Variants in FAR2 observed in about 807,000 individuals in gnomAD.
FAR2 encodes fatty acyl-CoA reductase 2.
FAR2 carries 19 observed loss-of-function variants against 56.0 expected under a neutral mutation model. The ratio of observed to expected loss-of-function variants is 0.34; its 90% CI spans 0.24 to 0.50. The LOEUF (loss-of-function observed/expected upper bound fraction) is 0.50. FAR2 is among the 20% of genes least tolerant of loss of function. FAR2 has a pLI of 0.98. For synonymous variants in FAR2, 219 were observed against 218.8 expected (o/e 1.00, Z -0.01); for missense variants, 508 against 642.2 (o/e 0.79, Z 2.26).
chr12:29,163,990 A>G (rs1949803732), intron 1 of FAR2, among the ~76,000 whole-genome samples: 1 of 152,232 alleles, frequency 6.6e-6, no homozygotes, highest in Non-Finnish European at 1.5e-5. Context: ...TTTGTAGGTC[A>G]AAATGGTTGA....
intron 1 of FAR2, among the ~76,000 whole-genome samples, chr12:29,159,358 GA>G (rs1949759646): frequency 6.6e-6 from 1 of 152,028 alleles, no homozygotes; most frequent in African/African-American, 2.4e-5. Context: ...CTAACATGGT[GA>G]AACCCCATCT....
rs1354170589 is a variant in FAR2 at position 29,221,605 on chromosome 12, G to C, written c.-38-48807G>C. ...GATTTCTCTTTTGTCTTTCAAGTTT[G>C]TCAAATTATTTTAGACACTTTATTT... On this transcript the variant is annotated intron_variant, in intron 1 of 11. Coordinates refer to ENST00000536681, the MANE Select transcript of FAR2 (RefSeq NM_001271783.2). Among the ~76,000 whole-genome samples, 2 of 151,554 alleles carry C rather than the reference G, an allele frequency of 1.3e-5. 1 individual carries two copies. Among genetic ancestry groups the C allele is most frequent in the African/African-American group, 4.9e-5 (2 of 40,908 alleles).
intron 1 of FAR2, among the ~76,000 whole-genome samples, chr12:29,214,421 C>T (rs1947594482): frequency 6.6e-6 from 1 of 152,104 alleles, no homozygotes; most frequent in Non-Finnish European, 1.5e-5. Context: ...ATGAGACAGA[C>T]GATGTTTCTG....
At chr12:29,231,951 CT>C (rs1017248821) in intron 1 of FAR2, among the ~76,000 whole-genome samples, 1 of 152,174 alleles carries the variant, frequency 6.6e-6, no homozygotes, top group African/African-American at 2.4e-5. Flanking sequence ...CATCCCGAAA[CT>C]TTTGCAATGT....
chr12:29,247,870 A>G (rs151105205), intron 1 of FAR2, among the ~76,000 whole-genome samples: 35 of 152,328 alleles, frequency 2.3e-4, no homozygotes, highest in Admixed American at 1.6e-3. Flanking sequence ...ATGCTATTCT[A>G]TTATCTGTGC....
chr12:29,296,614 C>A lies in FAR2; in HGVS notation c.366-407C>A, dbSNP rs182778420. 2.0e-5 allele frequency among the ~76,000 whole-genome samples: 3 copies of A among 152,292 alleles called. No individual in the cohort carries two copies. In the East Asian group the frequency reaches 5.8e-4, roughly 29 times the overall value. On this transcript the variant is annotated intron_variant, in intron 3 of 11. Transcript: ENST00000536681. Reference sequence around the variant, plus strand: ...TTTACAAGAGCAACTTACATTGCTCCTTTAAAAAATGTACTGTTGCTCCCC... The same window carrying A: ...TTTACAAGAGCAACTTACATTGCTCATTTAAAAAATGTACTGTTGCTCCCC...
intron 1 of FAR2, among the ~76,000 whole-genome samples, chr12:29,231,074 C>A (rs1368816944): frequency 6.6e-6 from 1 of 152,198 alleles, no homozygotes; most frequent in Admixed American, 6.5e-5. Context: ...ATCCTAAAAG[C>A]AACAGGAATC....
intron 2 of FAR2, chr12:29,277,521 G>A (rs1948720344): frequency 6.6e-6 from 1 of 152,178 alleles, no homozygotes; most frequent in African/African-American, 2.4e-5. Flanking sequence ...AGATCTTAAA[G>A]TCCAGTGAGG....
At chr12:29,307,112 C>T (rs967410437) in intron 4 of FAR2, among the ~76,000 whole-genome samples, 6 of 152,110 alleles carry the variant, frequency 3.9e-5, no homozygotes, top group Non-Finnish European at 7.4e-5. Context: ...TGGATGACAG[C>T]CTCTAACTCC....
At chr12:29,323,531 T>C (rs1315744037) in intron 10 of FAR2, among the ~76,000 whole-genome samples, 2 of 152,176 alleles carry the variant, frequency 1.3e-5, no homozygotes, top group Admixed American at 1.3e-4. Context: ...CACGGCCAGG[T>C]ACTCCTCTGA....
intron 1 of FAR2, among the ~76,000 whole-genome samples, chr12:29,173,599 T>C (rs1293575826): frequency 6.6e-6 from 1 of 152,068 alleles, no homozygotes; most frequent in African/African-American, 2.4e-5. Context: ...GGCCAGGCCA[T>C]AGTGCAGAAA....
chr12:29,157,317 C>G (rs1231012297), intron 1 of FAR2, among the ~76,000 whole-genome samples: 2 of 151,922 alleles, frequency 1.3e-5, no homozygotes, highest in Non-Finnish European at 2.9e-5. Context: ...TTAACTGCTG[C>G]AGGTTTGCAA....
At position 29,152,570 on chromosome 12, in the gene FAR2, C is replaced by G. The variant is rs530159683; in HGVS notation, c.-39+3163C>G. ...ATTGATCAAACTCCTTTATTAAGGT[C>G]TTCTAATGGCACTAGAAGGGATGAA... On this transcript the variant is annotated intron_variant, in intron 1 of 11. Transcript: ENST00000536681. Among the ~76,000 whole-genome samples, 127 of 152,320 alleles carry G rather than the reference C, an allele frequency of 8.3e-4. 1 individual carries two copies. Among genetic ancestry groups the G allele is most frequent in the African/African-American group, 2.9e-3 (120 of 41,570 alleles).
chr12:29,254,819 G>A (rs549247188), intron 1 of FAR2, among the ~76,000 whole-genome samples: 1 of 152,088 alleles, frequency 6.6e-6, no homozygotes, highest in African/African-American at 2.4e-5. Flanking sequence ...CTGGCATGGT[G>A]GTGGGCACCT....
intron 1 of FAR2, among the ~76,000 whole-genome samples, chr12:29,155,440 G>A (rs972090433): frequency 6.6e-6 from 1 of 152,224 alleles, no homozygotes; most frequent in African/African-American, 2.4e-5. Context: ...CATAATGGAA[G>A]AAACAGGTTC....
chr12:29,206,771 T>A (rs1315996367), intron 1 of FAR2, among the ~76,000 whole-genome samples: 1 of 152,146 alleles, frequency 6.6e-6, no homozygotes, highest in Non-Finnish European at 1.5e-5. Context: ...GTAACTACAG[T>A]GGGCTTGGTG....
At position 29,286,052 on chromosome 12, in the gene FAR2, A is replaced by AAC. The variant is rs1458883766; in HGVS notation, c.190-7238_190-7237dup. ...AAAATCAGAAACGTTGGCATGACCCAACACACACACAGACACACACACACA... is the reference window on the plus strand; with the variant it reads ...AAAATCAGAAACGTTGGCATGACCCAACACACACACACAGACACACACACACA... On this transcript the variant is annotated intron_variant, in intron 2 of 11. Coordinates refer to ENST00000536681, the MANE Select transcript of FAR2 (RefSeq NM_001271783.2). Among the ~76,000 whole-genome samples the AAC allele has an allele frequency of 2.8e-5, 3 of 108,626 alleles. No homozygotes were observed. The East Asian group carries it at 8.2e-4, about 30-fold the overall frequency. 71.3% of individuals were successfully genotyped at this position (108,626 alleles called of 152,430 possible). A position where few individuals can be genotyped will look rare whatever the true frequency, so the allele number is the denominator to read the frequency against.
At chr12:29,279,928 A>AT (rs4033039) in intron 2 of FAR2, among the ~76,000 whole-genome samples, 26,317 of 146,306 alleles carry the variant, frequency 0.18, 2,666 homozygotes, top group East Asian at 0.3. Flanking sequence ...GTGCAATATA[A>AT]TTTTTTTTTT....
intron 1 of FAR2, among the ~76,000 whole-genome samples, chr12:29,252,799 C>T (rs184223125): frequency 2.6e-5 from 4 of 152,246 alleles, no homozygotes; most frequent in East Asian, 1.9e-4. Context: ...CAAGTTGACA[C>T]GGGGTGGACT....
Sources: gnomAD v4.1 joint callset for allele counts (sites outside exome capture counted in the v4.1 genomes callset) on GRCh38, gnomAD v4.1.1 for gene constraint, MANE v1.5 for transcripts, NCBI Gene and HGNC (gene_info 2026-07-23, HGNC 2026-07-21) for gene names.